Variants in CUX2 observed in about 807,000 individuals in gnomAD.
The protein encoded by CUX2 is cut like homeobox 2.
CUX2 carries 40 observed loss-of-function variants against 144.8 expected under a neutral mutation model. The observed-to-expected ratio is 0.28, with a 90% CI of 0.21 to 0.36. CUX2 has a LOEUF of 0.36. CUX2 is among the 10% of genes least tolerant of loss of function. CUX2 has a pLI of 1.00. For synonymous variants in CUX2, 827 were observed against 875.6 expected (o/e 0.94, Z 0.98); for missense variants, 1,615 against 1,994.0 (o/e 0.81, Z 3.62).
chr12:111,100,214 T>C (rs936843511), intron 1 of CUX2: 2 of 365,618 alleles, frequency 5.5e-6, no homozygotes, highest in Middle Eastern at 9.4e-4. Flanking sequence ...TGTGTGTGTG[T>C]GCTTGTGTCT....
At chr12:111,280,719 A>AT (rs1390722267) in intron 4 of CUX2, among the ~76,000 whole-genome samples, 8 of 152,040 alleles carry the variant, frequency 5.3e-5, no homozygotes, top group African/African-American at 1.9e-4. Flanking sequence ...TGTCATTTCC[A>AT]TCTCAGCGTC....
chr12:111,157,643 G>C (rs565084223), intron 1 of CUX2, among the ~76,000 whole-genome samples: 1 of 152,178 alleles, frequency 6.6e-6, no homozygotes, highest in Non-Finnish European at 1.5e-5. Flanking sequence ...CAAATTCATC[G>C]ATGGTTTGGA....
At chr12:111,308,010 T>C (rs1415172509) in intron 12 of CUX2, among the ~76,000 whole-genome samples, 3 of 152,136 alleles carry the variant, frequency 2.0e-5, no homozygotes, top group Non-Finnish European at 4.4e-5. Context: ...AGGGAACTTA[T>C]TATAGGCATG....
intron 1 of CUX2, among the ~76,000 whole-genome samples, chr12:111,053,998 A>G (rs1025852097): frequency 1.6e-4 from 25 of 152,158 alleles, no homozygotes; most frequent in African/African-American, 6.0e-4. Flanking sequence ...TACTAAAAAT[A>G]CAAAAATTAG....
At chr12:111,334,904 TA>T (rs1220005937) in intron 19 of CUX2, among the ~76,000 whole-genome samples, 194 bp downstream of exon 19, 1 of 152,150 alleles carries the variant, frequency 6.6e-6, no homozygotes, top group Non-Finnish European at 1.5e-5. Flanking sequence ...TCTCATATCT[TA>T]AAAAAGCTTT....
At chr12:111,303,050 G>A (rs549746408) in intron 9 of CUX2, among the ~76,000 whole-genome samples, 2 of 147,872 alleles carry the variant, frequency 1.4e-5, no homozygotes, top group Admixed American at 6.8e-5. Flanking sequence ...GGCAAAACCC[G>A]TCTCTATTAA....
chr12:111,178,124 G>C lies in CUX2; in HGVS notation c.64-36076G>C, dbSNP rs1434281978. Among the ~76,000 whole-genome samples, 2 of 152,186 alleles carry C rather than the reference G, an allele frequency of 1.3e-5. No individual in the cohort carries two copies. The highest frequency in any genetic ancestry group is 2.9e-5 in the Non-Finnish European group (2 of 68,030). ...CAGAAACCCTGGGGTTTTCTGCAAA[G>C]GTCTGTCTGTGTCTAGAAGAAGAGA... On this transcript the variant is annotated intron_variant, in intron 1 of 21. Coordinates refer to ENST00000261726, the MANE Select transcript of CUX2 (RefSeq NM_015267.4). This position sits in a 1 kb window ranked among gnomAD's most constrained non-coding sequence, Gnocchi z 5.7.
At position 111,035,507 on chromosome 12, in the gene CUX2, G is replaced by A. The variant is rs980591457; in HGVS notation, c.63+1267G>A. 2.0e-5 allele frequency among the ~76,000 whole-genome samples: 3 copies of A among 152,200 alleles called. No individual in the cohort carries two copies. The highest frequency in any genetic ancestry group is 4.4e-5 in the Non-Finnish European group (3 of 68,032). ...GTCTCGGCGGGTGCGGCGGGGATCA[G>A]GGGCGGGAAAATGGTGCGGATAACA... On this transcript the variant is annotated intron_variant, in intron 1 of 21. Coordinates refer to ENST00000261726, the MANE Select transcript of CUX2 (RefSeq NM_015267.4). The surrounding 1 kb of genome is among the most constrained non-coding windows in gnomAD (Gnocchi z 6.0).
chr12:111,314,262 G>A (rs578219774), intron 16 of CUX2, among the ~76,000 whole-genome samples: 133 of 152,334 alleles, frequency 8.7e-4, no homozygotes, highest in African/African-American at 3.1e-3. Flanking sequence ...AAAGAACCAT[G>A]AGAAATAACT....
rs758378874 is a variant in CUX2 at position 111,211,482 on chromosome 12, C to G, written c.64-2718C>G. Among the ~76,000 whole-genome samples, 21 of 152,184 alleles carry G rather than the reference C, an allele frequency of 1.4e-4. 1 individual carries two copies. The highest frequency in any genetic ancestry group is 8.3e-4 in the South Asian group (4 of 4,824). On this transcript the variant is annotated intron_variant, in intron 1 of 21. Transcript: ENST00000261726. Reference sequence around the variant, plus strand: ...TTGGACTTATCCTGCTCTGCAATTTCCTTTCAGAACCTGGGCTGGATGTTT... The same window carrying G: ...TTGGACTTATCCTGCTCTGCAATTTGCTTTCAGAACCTGGGCTGGATGTTT...
chr12:111,122,397 C>G (rs1421108291), intron 1 of CUX2, among the ~76,000 whole-genome samples: 2 of 151,622 alleles, frequency 1.3e-5, no homozygotes, highest in African/African-American at 2.4e-5. Context: ...ATACACAGCC[C>G]TTTATGGAGA....
At chr12:111,205,087 G>A (rs1335163376) in intron 1 of CUX2, among the ~76,000 whole-genome samples, 1 of 152,064 alleles carries the variant, frequency 6.6e-6, no homozygotes. Context: ...TGGTAACCCG[G>A]GCTGTCTCCC....
intron 1 of CUX2, among the ~76,000 whole-genome samples, chr12:111,188,356 A>G (rs1477810270): frequency 1.3e-5 from 2 of 152,140 alleles, no homozygotes; most frequent in Non-Finnish European, 2.9e-5. Context: ...ATGGCAAGAG[A>G]GACACGGACC....
At chr12:111,156,997 A>AAAAAC (rs909813546) in intron 1 of CUX2, among the ~76,000 whole-genome samples, 1 of 150,936 alleles carries the variant, frequency 6.6e-6, no homozygotes, top group African/African-American at 2.4e-5. Flanking sequence ...AAAAAAAAAA[A>AAAAAC]AAAAAAAAAA....
intron 1 of CUX2, among the ~76,000 whole-genome samples, chr12:111,203,068 C>G (rs1372723090): frequency 1.3e-5 from 2 of 151,878 alleles, no homozygotes; most frequent in Non-Finnish European, 2.9e-5. Flanking sequence ...CCCATCTCTA[C>G]TAAAAATATA....
chr12:111,341,900 A>G lies in CUX2; in HGVS notation c.3506A>G (p.Lys1169Arg). The change falls in exon 21 of 22, where the codon AAG (lysine) becomes AGG (arginine). Residue 1169 changes from lysine to arginine, a missense_variant. Lys to Arg is a conservative substitution (Grantham distance 26, BLOSUM62 2). Transcript: ENST00000261726. ...QPQDLSLLQI[K>R]KPRVVLAPEE... ...CAGGACCTGAGCCTCCTGCAGATCA[A>G]GAAGCCCCGGGTGGTGCTGGCACCC... is the stretch of plus-strand genomic sequence containing the variant. The G allele has an allele frequency of 6.2e-7, 1 of 1,614,106 alleles. No homozygotes were observed. Among genetic ancestry groups the G allele is most frequent in the Non-Finnish European group, 8.5e-7 (1 of 1,180,026 alleles).
chr12:111,041,870 A>C (rs1268055685), intron 1 of CUX2, among the ~76,000 whole-genome samples: 1 of 152,298 alleles, frequency 6.6e-6, no homozygotes, highest in Admixed American at 6.5e-5. Context: ...AGAACAAATG[A>C]AAGGCTCCTG....
intron 1 of CUX2, among the ~76,000 whole-genome samples, chr12:111,036,882 A>G (rs1052009733): frequency 1.7e-4 from 19 of 112,386 alleles, no homozygotes; most frequent in African/African-American, 6.5e-4. Context: ...TCCCCTGGCC[A>G]ACAGGCCCGC....
intron 1 of CUX2, among the ~76,000 whole-genome samples, chr12:111,069,246 C>T (rs1288759514): frequency 6.6e-6 from 1 of 152,154 alleles, no homozygotes; most frequent in Non-Finnish European, 1.5e-5. Context: ...TAGCACGGAG[C>T]CCAATACATA....
Sources: allele counts gnomAD v4.1 joint callset (sites outside exome capture counted in the v4.1 genomes callset), GRCh38; gene constraint gnomAD v4.1.1; non-coding constraint Gnocchi (gnomAD v3.1); transcripts MANE v1.5; gene names NCBI Gene and HGNC (gene_info 2026-07-23, HGNC 2026-07-21).